Variants in SUSD6 observed in about 807,000 individuals in gnomAD.
SUSD6 encodes the protein sushi domain containing 6, also known as sushi domain-containing protein 6.
In SUSD6, 16 loss-of-function variants were observed where a neutral mutation model predicts 28.4. The observed-to-expected ratio is 0.56, with a 90% confidence interval of 0.38 to 0.86. SUSD6 has a LOEUF of 0.86. Ranked by LOEUF, SUSD6 falls within the 40% of genes least tolerant of loss-of-function variation. SUSD6 has a pLI of 0.00. For missense variants in SUSD6, 341 were observed against 384.2 expected, an observed-to-expected ratio of 0.89 and a Z score of 0.94; for synonymous variants, 147 against 159.6, an observed-to-expected ratio of 0.92 and a Z score of 0.59.
intron 2 of SUSD6, among the ~76,000 whole-genome samples, chr14:69,698,320 G>A (rs749537883): frequency 1.3e-5 from 2 of 152,118 alleles, no homozygotes; most frequent in African/African-American, 2.4e-5. Flanking sequence ...GGGACAGGGC[G>A]AGACTCATCA....
intron 2 of SUSD6, among the ~76,000 whole-genome samples, chr14:69,675,218 C>G (rs1315115979): frequency 6.6e-6 from 1 of 152,190 alleles, no homozygotes; most frequent in African/African-American, 2.4e-5. Context: ...GCTCACCTTG[C>G]TTCTATAAAA....
At chr14:69,667,574 G>T (rs1238813719) in intron 2 of SUSD6, among the ~76,000 whole-genome samples, 1 of 150,896 alleles carries the variant, frequency 6.6e-6, no homozygotes, top group African/African-American at 2.4e-5. Flanking sequence ...TAGTAGAGAC[G>T]GGGTTTCACC....
At chr14:69,686,869 A>T (rs1320409322) in intron 2 of SUSD6, among the ~76,000 whole-genome samples, 1 of 152,200 alleles carries the variant, frequency 6.6e-6, no homozygotes, top group African/African-American at 2.4e-5. Context: ...CATATCATTG[A>T]CCTAGTCTCT....
intron 1 of SUSD6, 74 bp downstream of exon 1, chr14:69,611,902 G>A (rs1485306904): frequency 1.3e-5 from 2 of 151,442 alleles, no homozygotes; most frequent in Non-Finnish European, 3.0e-5. Context: ...GCTGTCAGGG[G>A]CGCGGGACCA....
chr14:69,639,818 C>T (rs1216950998), intron 1 of SUSD6, among the ~76,000 whole-genome samples: 3 of 152,100 alleles, frequency 2.0e-5, no homozygotes, highest in Non-Finnish European at 4.4e-5. Flanking sequence ...AGCACCTTAC[C>T]CCCAAGGTGT....
chr14:69,629,707 G>C (rs886558902), intron 1 of SUSD6, among the ~76,000 whole-genome samples: 1 of 152,206 alleles, frequency 6.6e-6, no homozygotes, highest in Non-Finnish European at 1.5e-5. Context: ...ATTCTGTTTT[G>C]CCAGCTTCTT....
chr14:69,652,520 G>A (rs2139610152), intron 1 of SUSD6, among the ~76,000 whole-genome samples: 1 of 152,156 alleles, frequency 6.6e-6, no homozygotes, highest in East Asian at 1.9e-4. Flanking sequence ...CTTTACCCAC[G>A]CAGCACCTGG....
At chr14:69,687,276 A>G (rs1886087186) in intron 2 of SUSD6, among the ~76,000 whole-genome samples, 1 of 152,084 alleles carries the variant, frequency 6.6e-6, no homozygotes, top group Non-Finnish European at 1.5e-5. Flanking sequence ...CACCTGGCCT[A>G]ATTTTTGTAT....
chr14:69,686,180 TAAGTC>T (rs1366917731), intron 2 of SUSD6, among the ~76,000 whole-genome samples: 1 of 152,222 alleles, frequency 6.6e-6, no homozygotes, highest in East Asian at 1.9e-4. Context: ...CTCATTGACT[TAAGTC>T]AACAGCCCTG....
At chr14:69,672,971 C>T (rs1787952063) in intron 2 of SUSD6, among the ~76,000 whole-genome samples, 1 of 152,232 alleles carries the variant, frequency 6.6e-6, no homozygotes, top group Non-Finnish European at 1.5e-5. Context: ...TTCCCTGCCT[C>T]TGGTCAAGGC....
Position 69,708,643 on chromosome 14 carries a change from A to G in SUSD6, c.459-34A>G, listed in dbSNP as rs200945506. 39 of 1,489,238 alleles carry G rather than the reference A, an allele frequency of 2.6e-5. No individual in the cohort carries two copies. The African/African-American group carries it at 3.9e-4, about 15-fold the overall frequency. The allele number at this position is 1,489,238 out of a possible 1,614,324, so 92.3% of individuals were successfully genotyped here. On this transcript the variant is annotated intron_variant, in intron 4 of 5. Coordinates refer to ENST00000342745, the MANE Select transcript of SUSD6 (RefSeq NM_014734.4). ...GCCTGTTTCTCTGTGTGTTTATTCT[A>G]ATTCATCCTTTGTCTTTTCCTCCTC...
At chr14:69,653,426 A>T (rs1885532160) in intron 1 of SUSD6, among the ~76,000 whole-genome samples, 1 of 152,174 alleles carries the variant, frequency 6.6e-6, no homozygotes, top group South Asian at 2.1e-4. Context: ...GTGGCCTTAG[A>T]GCCTTTTTCA....
At chr14:69,699,696 G>C (rs541043168) in intron 2 of SUSD6, among the ~76,000 whole-genome samples, 42 of 152,136 alleles carry the variant, frequency 2.8e-4, no homozygotes, top group African/African-American at 9.9e-4. Context: ...ATACTGAAGC[G>C]GTGTTGTTGT....
intron 1 of SUSD6, among the ~76,000 whole-genome samples, chr14:69,624,657 G>T (rs556013620): frequency 6.6e-6 from 1 of 152,126 alleles, no homozygotes; most frequent in South Asian, 2.1e-4. Context: ...GTTTCTCCAT[G>T]TTGGTCAGGC....
intron 2 of SUSD6, among the ~76,000 whole-genome samples, chr14:69,671,913 C>T (rs10047848): frequency 0.04 from 6,053 of 152,152 alleles, 431 homozygotes; most frequent in African/African-American, 0.14. Flanking sequence ...AAATCTGTCA[C>T]CAGTAACGCA....
chr14:69,649,068 T>C (rs1346462312), intron 1 of SUSD6, among the ~76,000 whole-genome samples: 1 of 152,218 alleles, frequency 6.6e-6, no homozygotes, highest in Admixed American at 6.5e-5. Flanking sequence ...TTTGTTCCTG[T>C]GTCCTCTGTG....
intron 1 of SUSD6, among the ~76,000 whole-genome samples, chr14:69,646,675 A>G (rs184532283): frequency 2.3e-4 from 35 of 151,296 alleles, no homozygotes; most frequent in African/African-American, 8.2e-4. Context: ...ACTTAGGCCA[A>G]AAACTTAGGC....
At chr14:69,663,928 G>A (rs1885699013) in intron 2 of SUSD6, among the ~76,000 whole-genome samples, 2 of 151,806 alleles carry the variant, frequency 1.3e-5, no homozygotes, top group African/African-American at 2.4e-5. Flanking sequence ...TGGATAAAAA[G>A]GATACAAGAG....
chr14:69,712,534 G>C lies in SUSD6; in HGVS notation c.*1555G>C, dbSNP rs1361403381. On this transcript the variant is annotated 3_prime_UTR_variant, in exon 6 of 6. Coordinates refer to ENST00000342745, the MANE Select transcript of SUSD6 (RefSeq NM_014734.4). ...GAAGCGGACCCTGTGCTGCATGTCTGCTCCTCCCCTGAGCCTGTCTGCTTG... is the reference window on the plus strand; with the variant it reads ...GAAGCGGACCCTGTGCTGCATGTCTCCTCCTCCCCTGAGCCTGTCTGCTTG... 6.6e-6 allele frequency: 1 copy of C among 152,222 alleles called. No homozygotes were observed. Among genetic ancestry groups the C allele is most frequent in the Non-Finnish European group, 1.5e-5 (1 of 68,068 alleles). The allele number at this position is 152,222 out of a possible 1,614,324, so 9.4% of individuals were successfully genotyped here.
Sources: allele counts gnomAD v4.1 joint callset (sites outside exome capture counted in the v4.1 genomes callset), GRCh38; gene constraint gnomAD v4.1.1; transcripts MANE v1.5; gene names NCBI Gene and HGNC (gene_info 2026-07-23, HGNC 2026-07-21).